Variants in IL1RAPL2 observed in about 807,000 individuals in gnomAD.
The protein encoded by IL1RAPL2 is interleukin 1 receptor accessory protein like 2.
IL1RAPL2 carries 3 observed loss-of-function variants against 44.1 expected under a neutral mutation model. That is an observed-to-expected ratio of 0.07 (90% CI 0.03 to 0.18). The LOEUF is 0.18. IL1RAPL2 is among the 10% of genes least tolerant of loss of function. IL1RAPL2 has a pLI of 1.00. For synonymous variants in IL1RAPL2, 181 were observed against 178.8 expected, an observed-to-expected ratio of 1.01 and a Z score of -0.10; for missense variants, 391 against 496.4, an observed-to-expected ratio of 0.79 and a Z score of 2.02.
chrX:104,926,304 T>C (rs1214070212), intron 2 of IL1RAPL2, among the ~76,000 whole-genome samples: 1 of 112,438 alleles, frequency 8.9e-6, no homozygotes, highest in Non-Finnish European at 1.9e-5. Context: ...AATTTAGGTG[T>C]ATTTCGTGGC....
rs748929707 is a variant in IL1RAPL2, at chrX:104,612,540, C to T, written c.-20+45489C>T. The stretch of plus-strand genomic sequence containing the variant: ...TATTCTGTTCCATTGGTTTATGGGT[C>T]TGTTTTTGTACCAGTACCATGCTGT... On this transcript the variant is annotated intron_variant, in intron 1 of 10. Transcript: ENST00000372582. Among the ~76,000 whole-genome samples, 247 of 111,570 alleles carry T rather than the reference C, an allele frequency of 2.2e-3. 2 individuals carry two copies. Among genetic ancestry groups the T allele is most frequent in the Non-Finnish European group, 4.0e-3 (211 of 53,103 alleles).
intron 6 of IL1RAPL2, among the ~76,000 whole-genome samples, chrX:105,638,713 G>A (rs920835387): frequency 8.9e-6 from 1 of 112,157 alleles, no homozygotes; most frequent in African/African-American, 3.2e-5. Context: ...GTTAAATCTT[G>A]TGAAAAAAAT....
At chrX:104,983,639 T>C (rs1268679072) in intron 2 of IL1RAPL2, among the ~76,000 whole-genome samples, 2 of 98,560 alleles carry the variant, frequency 2.0e-5, no homozygotes, top group Non-Finnish European at 4.0e-5. Flanking sequence ...TAATATATTA[T>C]ACATATAATA....
chrX:105,198,390 T>C (rs1556143091), intron 3 of IL1RAPL2, among the ~76,000 whole-genome samples: 3 of 111,962 alleles, frequency 2.7e-5, no homozygotes, highest in African/African-American at 9.7e-5. Context: ...CAGTATTTTG[T>C]CCCTACAAAA....
intron 6 of IL1RAPL2, among the ~76,000 whole-genome samples, chrX:105,489,806 T>TCTCTCC (rs1216898107): frequency 4.9e-5 from 5 of 102,137 alleles, no homozygotes; most frequent in African/African-American, 1.8e-4. Flanking sequence ...TCTCTCTCTC[T>TCTCTCC]CTCTCTCTCT....
intron 2 of IL1RAPL2, among the ~76,000 whole-genome samples, chrX:104,849,910 ACT>A (rs917291640): frequency 2.0e-4 from 22 of 111,032 alleles, no homozygotes; most frequent in African/African-American, 6.9e-4. Context: ...ATTCTGGTTA[ACT>A]CTGCCAGGTT....
intron 1 of IL1RAPL2, among the ~76,000 whole-genome samples, chrX:104,609,571 C>T (rs1427581467): frequency 9.0e-6 from 1 of 111,607 alleles, no homozygotes. Context: ...TTTCTCCAAC[C>T]TTGTCTTCTC....
At chrX:104,675,895 T>G (rs1396437807) in intron 2 of IL1RAPL2, among the ~76,000 whole-genome samples, 1 of 106,717 alleles carries the variant, frequency 9.4e-6, no homozygotes, top group Non-Finnish European at 2.0e-5. Flanking sequence ...GTTTAAAGTC[T>G]GTTTTATCAG....
chrX:104,895,003 C>T (rs183147532), intron 2 of IL1RAPL2, among the ~76,000 whole-genome samples: 41 of 112,778 alleles, frequency 3.6e-4, no homozygotes, highest in Middle Eastern at 4.6e-3. Flanking sequence ...TTCTTTCTAA[C>T]AGTCAGGACC....
intron 10 of IL1RAPL2, among the ~76,000 whole-genome samples, chrX:105,757,036 A>C (rs1002774509): frequency 1.5e-4 from 17 of 111,749 alleles, no homozygotes; most frequent in African/African-American, 5.5e-4. Flanking sequence ...TCAACAAATG[A>C]ATCATTCACT....
chrX:105,734,012 T>C (rs1001358553), intron 7 of IL1RAPL2, among the ~76,000 whole-genome samples: 2 of 111,840 alleles, frequency 1.8e-5, no homozygotes, highest in African/African-American at 6.5e-5. Flanking sequence ...GTGTTTACTC[T>C]TTGGTATAGC....
intron 5 of IL1RAPL2, among the ~76,000 whole-genome samples, chrX:105,409,191 TG>T (rs2035673709): frequency 9.9e-6 from 1 of 100,674 alleles, no homozygotes; most frequent in African/African-American, 4.9e-5. Flanking sequence ...TGAGTACCTA[TG>T]CCTCCAAACC....
intron 2 of IL1RAPL2, among the ~76,000 whole-genome samples, chrX:104,977,566 C>T: frequency 8.9e-6 from 1 of 111,957 alleles, no homozygotes; most frequent in Admixed American, 9.5e-5. Flanking sequence ...TGCTCTCTCA[C>T]TCTCTCTCAC....
chrX:104,983,589 A>ATATATTATATGCATAATATATAATAT (rs1556024713), intron 2 of IL1RAPL2, among the ~76,000 whole-genome samples: 5 of 90,350 alleles, frequency 5.5e-5, no homozygotes, highest in East Asian at 3.3e-4. Context: ...ATAATATATA[A>ATATATTATATGCATAATATATAATAT]TATATTATAT....
chrX:104,997,005 A>C (rs1387721399), intron 2 of IL1RAPL2, among the ~76,000 whole-genome samples: 1 of 111,510 alleles, frequency 9.0e-6, no homozygotes, highest in African/African-American at 3.3e-5. Context: ...CTATCACTGG[A>C]GCATAGTGGA....
At chrX:105,374,201 G>C (rs572152519) in intron 5 of IL1RAPL2, among the ~76,000 whole-genome samples, 2 of 109,507 alleles carry the variant, frequency 1.8e-5, no homozygotes, top group Non-Finnish European at 3.8e-5. Context: ...TATGTGTCTC[G>C]TTTTGTACTA....
intron 6 of IL1RAPL2, among the ~76,000 whole-genome samples, chrX:105,630,850 G>A (rs1269861479): frequency 9.0e-6 from 1 of 110,998 alleles, no homozygotes; most frequent in African/African-American, 3.3e-5. Context: ...CCCTACTTCT[G>A]CCATAAATTG....
chrX:104,767,473 T>A (rs1450677597), intron 2 of IL1RAPL2, among the ~76,000 whole-genome samples: 1 of 111,002 alleles, frequency 9.0e-6, no homozygotes, highest in East Asian at 2.8e-4. Context: ...AATGCTGAGG[T>A]TTTTAACAGT....
At chrX:105,478,733 A>G (rs2036214089) in intron 5 of IL1RAPL2, among the ~76,000 whole-genome samples, 2 of 111,681 alleles carry the variant, frequency 1.8e-5, no homozygotes, top group Non-Finnish European at 3.8e-5. Context: ...TTTGGCTTTA[A>G]TTAGCAAAAG....
Sources: gnomAD v4.1 joint callset for allele counts (sites outside exome capture counted in the v4.1 genomes callset) on GRCh38, gnomAD v4.1.1 for gene constraint, MANE v1.5 for transcripts, NCBI Gene and HGNC (gene_info 2026-07-23, HGNC 2026-07-21) for gene names.